The following SLC34A3 variants were observed in gnomAD, a reference collection of about 807,000 sequenced individuals.
SLC34A3 encodes the protein sodium-dependent phosphate transport protein 2C.
Under a neutral mutation model 43.9 loss-of-function variants are expected in SLC34A3, and 60 were observed. The observed-to-expected ratio is 1.37, with a 90% CI of 1.11 to 1.70. The LOEUF is 1.70. SLC34A3 is among the 40% of genes most tolerant of loss of function. The probability of loss-of-function intolerance (pLI) is 0.00; values close to 1 mark genes in which losing one functional copy is unlikely to be tolerated. For missense variants in SLC34A3, 969 were observed against 823.8 expected (o/e 1.18, Z -2.16); for synonymous variants, 451 against 386.2 (o/e 1.17, Z -1.97).
At chr9:137,229,921 G>A (rs1836106186), upstream of SLC34A3, among the ~76,000 whole-genome samples, 1 of 152,066 alleles carries the variant, frequency 6.6e-6, no homozygotes, top group Non-Finnish European at 1.5e-5. Flanking sequence ...ACTGGAACGA[G>A]CTGTCACTCA....
At position 137,233,631 on chromosome 9, in the gene SLC34A3, A is replaced by C; in HGVS notation, c.757-2A>C. ...CACCGTCACGACCCCTCTGGCCCCC[A>C]GTTGGACTCCGACATGATCATGAGC... On this transcript the variant is annotated splice_acceptor_variant, in intron 7 of 12. Transcript: ENST00000673835. LOFTEE classifies it high-confidence loss of function. 6.2e-7 allele frequency: 1 copy of C among 1,612,470 alleles called. No homozygotes were observed. Among genetic ancestry groups the C allele is most frequent in the South Asian group, 1.1e-5 (1 of 91,078 alleles).
At position 137,233,051 on chromosome 9, in the gene SLC34A3, G is replaced by C. The variant is rs200536604; in HGVS notation, c.496G>C (p.Gly166Arg). ...SVPIIMGVNV[G>R]TSITSTLVSM... is the part of the protein sequence containing the mutation. The stretch of plus-strand genomic sequence containing the variant: ...GCCCATCATCATGGGTGTCAACGTA[G>C]GCACATCCATCACCAGCACCCTGGT... The change falls in exon 6 of 13, where the codon GGC (glycine) becomes CGC (arginine). Residue 166 changes from glycine (G) to arginine (R), a missense_variant. Gly to Arg is a moderately radical substitution (Grantham distance 125). Coordinates refer to ENST00000673835, the MANE Select transcript of SLC34A3 (RefSeq NM_001177316.2). 6.2e-6 allele frequency: 10 copies of C among 1,611,900 alleles called. No homozygotes were observed. Among genetic ancestry groups the C allele is most frequent in the Non-Finnish European group, 7.6e-6 (9 of 1,179,864 alleles).
At chr9:137,235,867 G>A (rs1836563982) in intron 12 of SLC34A3, 85 bp from the exon 13 acceptor site, 1 of 1,238,270 alleles carries the variant, frequency 8.1e-7, no homozygotes, top group Non-Finnish European at 1.2e-6. Context: ...CGCTCCTTCT[G>A]TAGGGTGGAG....
intron 3 of SLC34A3, 22 bp downstream of exon 3, chr9:137,232,183 G>GTGGCAGGC: frequency 6.2e-7 from 1 of 1,607,392 alleles, no homozygotes. Flanking sequence ...GGTTCCGGGG[G>GTGGCAGGC]TGGCAGGCTG....
chr9:137,231,619 C>T (rs568859441), intron 1 of SLC34A3, 45 bp from the exon 2 acceptor site: 22 of 1,220,902 alleles, frequency 1.8e-5, no homozygotes, highest in Middle Eastern at 2.0e-4. Context: ...AGGACAGGGC[C>T]GGGGCAGGAG....
chr9:137,232,732 G>A (rs532181536), intron 4 of SLC34A3, 29 bp downstream of exon 4: 4 of 1,612,816 alleles, frequency 2.5e-6, no homozygotes, highest in Non-Finnish European at 3.4e-6. Flanking sequence ...GCCCAGGGCG[G>A]GGCGGGCAAC....
At chr9:137,230,605 G>A (rs1455125897), upstream of SLC34A3, among the ~76,000 whole-genome samples, 3 of 152,188 alleles carry the variant, frequency 2.0e-5, no homozygotes, top group Non-Finnish European at 2.9e-5. Flanking sequence ...TGTCTCTTGG[G>A]TCACACGGAT....
At position 137,234,467 on chromosome 9, in the gene SLC34A3, G is replaced by A. The variant is rs1169836513; in HGVS notation, c.1145G>A (p.Gly382Asp). The change falls in exon 11 of 13, where the codon GGC becomes GAC. Residue 382 changes from glycine (G) to aspartate (D), a missense_variant. Coordinates refer to ENST00000673835, the MANE Select transcript of SLC34A3 (RefSeq NM_001177316.2). The surrounding 1 kb of genome is among the most constrained non-coding windows in gnomAD (Gnocchi z 6.9). Reference protein sequence around the residue: ...WLGGYLAVLAGAGLTFALQSS... With the variant: ...WLGGYLAVLADAGLTFALQSS... ...GGCGGCTACCTGGCCGTCCTCGCGG[G>A]CGCCGGCCTGACCTTCGCACTGCAG... is the stretch of plus-strand genomic sequence containing the variant. 4 of 1,599,922 alleles carry A rather than the reference G, an allele frequency of 2.5e-6. No individual in the cohort carries two copies. The highest frequency in any genetic ancestry group is 3.4e-6 in the Non-Finnish European group (4 of 1,179,304).
rs1836496628 is a variant in SLC34A3, at chr9:137,234,892, G to A, written c.1335+161G>A. Among the ~76,000 whole-genome samples the A allele has an allele frequency of 6.6e-6, 1 of 152,044 alleles. No individual in the cohort carries two copies. The highest frequency in any genetic ancestry group is 6.5e-5 in the Admixed American group (1 of 15,274). ...TCAGCCCTGCTGCTCTGCCTCCTTG[G>A]ACCCCACAGGTCCTGCACACATTTC... On this transcript the variant is annotated intron_variant, in intron 12 of 12. Coordinates refer to ENST00000673835, the MANE Select transcript of SLC34A3 (RefSeq NM_001177316.2). This position sits in a 1 kb window ranked among gnomAD's most constrained non-coding sequence, Gnocchi z 6.9.
At position 137,234,647 on chromosome 9, in the gene SLC34A3, A is replaced by T; in HGVS notation, c.1251A>T (p.Leu417Phe). The T allele has an allele frequency of 1.9e-6, 3 of 1,612,288 alleles. No homozygotes were observed. The highest frequency in any genetic ancestry group is 2.5e-6 in the Non-Finnish European group (3 of 1,179,806). Residue 417 changes from leucine (L) to phenylalanine (F), a missense_variant, in exon 12 of 13, where the codon TTA becomes TTT. Transcript: ENST00000673835. This position sits in a 1 kb window ranked among gnomAD's most constrained non-coding sequence, Gnocchi z 6.9. Reference sequence around the variant, plus strand: ...GTCTGGACCGGGCGTACCCCCTCTTACTGGGCTCCAACATCGGCACCACTA... The same window carrying T: ...GTCTGGACCGGGCGTACCCCCTCTTTCTGGGCTCCAACATCGGCACCACTA... ...VISLDRAYPL[L>F]LGSNIGTTTT...
Position 137,236,479 on chromosome 9 carries a change from A to AAGG in SLC34A3, c.*63_*64insAGG. ...CTGGGAGGGCTCTGGAGGGCCCTGG[A>AAGG]GGGGGGGTCCCCGCGGCAGCTGACC... is the stretch of plus-strand genomic sequence containing the variant. On this transcript the variant is annotated 3_prime_UTR_variant, in exon 13 of 13. Coordinates refer to ENST00000673835, the MANE Select transcript of SLC34A3 (RefSeq NM_001177316.2). 1 of 1,407,522 alleles carries AAGG rather than the reference A, an allele frequency of 7.1e-7. No homozygotes were observed. The highest frequency in any genetic ancestry group is 1.2e-5 in the South Asian group (1 of 81,208). The allele number at this position is 1,407,522 out of a possible 1,614,324, so 87.2% of individuals were successfully genotyped here. A position where few individuals can be genotyped will look rare whatever the true frequency, so the allele number is the denominator to read the frequency against.
Position 137,233,634 on chromosome 9 carries a change from T to C in SLC34A3, c.758T>C (p.Leu253Ser). 6.2e-7 allele frequency: 1 copy of C among 1,612,640 alleles called. No individual in the cohort carries two copies. Among genetic ancestry groups the C allele is most frequent in the South Asian group, 1.1e-5 (1 of 91,074 alleles). ...CGTCACGACCCCTCTGGCCCCCAGT[T>C]GGACTCCGACATGATCATGAGCAGT... ...TKPLTHLIVQ[L>S]DSDMIMSSAT... is the part of the protein sequence containing the mutation. Residue 253 changes from leucine to serine, a missense_variant and splice_region_variant, in exon 8 of 13, where the codon TTG (leucine) becomes TCG (serine). Leu to Ser is a moderately radical substitution (Grantham distance 145, BLOSUM62 -2). Coordinates refer to ENST00000673835, the MANE Select transcript of SLC34A3 (RefSeq NM_001177316.2).
Position 137,236,256 on chromosome 9 carries a change from G to A in SLC34A3, c.1640G>A (p.Arg547His), listed in dbSNP as rs759660539. The change falls in exon 13 of 13, where the codon CGC becomes CAC. Residue 547 changes from arginine (R) to histidine (H), a missense_variant. Transcript: ENST00000673835. ...CCGGCCTGGCTGCCTGTCCGCCTGC[G>A]CTCCTGGGCCTGGCTCCCCGTCTGG... ...RRPAWLPVRL[R>H]SWAWLPVWLH... 56 of 1,546,568 alleles carry A rather than the reference G, an allele frequency of 3.6e-5. No homozygotes were observed. Among genetic ancestry groups the A allele is most frequent in the South Asian group, 8.2e-5 (7 of 84,932 alleles).
At chr9:137,233,829 T>A (rs1836399510) in intron 8 of SLC34A3, 34 bp from the exon 9 acceptor site, 1 of 1,226,676 alleles carries the variant, frequency 8.2e-7, no homozygotes, top group Non-Finnish European at 1.1e-6. Flanking sequence ...GTCTGCCCAC[T>A]GAGCCTGTCC....
In SLC34A3 at chr9:137,233,024, G is replaced by A; in HGVS notation, c.469G>A (p.Val157Met). The A allele has an allele frequency of 1.9e-6, 3 of 1,612,016 alleles. No homozygotes were observed. Among genetic ancestry groups the A allele is most frequent in the Middle Eastern group, 1.8e-4 (1 of 5,484 alleles). Residue 157 changes from valine to methionine, a missense_variant, in exon 6 of 13, where the codon GTG becomes ATG. Val to Met is a conservative substitution (Grantham distance 21, BLOSUM62 1). Coordinates refer to ENST00000673835, the MANE Select transcript of SLC34A3 (RefSeq NM_001177316.2). ...AGCAGTGCTGACTGTCCGGGTGTCT[G>A]TGCCCATCATCATGGGTGTCAACGT... ...AAKLLTVRVS[V>M]PIIMGVNVGT...
In SLC34A3 at chr9:137,232,657, C is replaced by T; in HGVS notation, c.258C>T (p.Phe86=). 6.2e-7 allele frequency: 1 copy of T among 1,612,810 alleles called. No individual in the cohort carries two copies. The highest frequency in any genetic ancestry group is 1.1e-5 in the South Asian group (1 of 91,088). ...ACGLLGSLYF[F]ICSLDVLSSA... ...GGCTCCTCGGCAGCCTGTACTTCTT[C>T]ATCTGCTCTCTGGACGTCCTCAGCT... The change falls in exon 4 of 13, where the codon TTC becomes TTT. Residue 86 remains phenylalanine (F), a synonymous_variant. Transcript: ENST00000673835.
rs141097884 is a variant in SLC34A3 at position 137,231,648 on chromosome 9, G to A, written c.-39-16G>A. ...GCAGGAGGAAATGTCTCTGACACGC[G>A]CGTCCCCCCCAGCAGATCTAGACCT... is the stretch of plus-strand genomic sequence containing the variant. On this transcript the variant is annotated splice_polypyrimidine_tract_variant and intron_variant, in intron 1 of 12. Coordinates refer to ENST00000673835, the MANE Select transcript of SLC34A3 (RefSeq NM_001177316.2). The A allele has an allele frequency of 5.7e-4, 807 of 1,422,274 alleles. 2 individuals carry two copies. In the African/African-American group the frequency reaches 9.3e-3, roughly 16 times the overall value. 88.1% of individuals were successfully genotyped at this position (1,422,274 alleles called of 1,614,324 possible).
intron 3 of SLC34A3, 65 bp downstream of exon 3, chr9:137,232,226 C>G (rs936772912): frequency 6.7e-6 from 10 of 1,492,952 alleles, no homozygotes; most frequent in African/African-American, 2.8e-5. Flanking sequence ...ACTGGGGAGA[C>G]AGAGCAGGGT....
chr9:137,236,120 G>A lies in SLC34A3; in HGVS notation c.1504G>A (p.Ala502Thr). ...GCTCGGATTCCTGCTGCTGCCCCTG[G>A]CGGCCTTCGGGCTCTCCCTGGCAGG... The part of the protein sequence containing the change: ...LLLGFLLLPL[A>T]AFGLSLAGGM... The change falls in exon 13 of 13, where the codon GCG becomes ACG. Residue 502 changes from alanine to threonine, a missense_variant. Ala to Thr is a moderately conservative substitution (Grantham distance 58). Coordinates refer to ENST00000673835, the MANE Select transcript of SLC34A3 (RefSeq NM_001177316.2). The A allele has an allele frequency of 1.2e-6, 2 of 1,611,314 alleles. No homozygotes were observed. Among genetic ancestry groups the A allele is most frequent in the Non-Finnish European group, 1.7e-6 (2 of 1,179,562 alleles).
Sources: gnomAD v4.1 joint callset for allele counts (sites outside exome capture counted in the v4.1 genomes callset) on GRCh38, gnomAD v4.1.1 for gene constraint, Gnocchi (gnomAD v3.1) non-coding constraint, MANE v1.5 for transcripts, NCBI Gene and HGNC (gene_info 2026-07-23, HGNC 2026-07-21) for gene names.